Variants in PRKACB observed in about 807,000 individuals in gnomAD.
PRKACB encodes protein kinase cAMP-activated catalytic subunit beta.
Under a neutral mutation model 51.4 loss-of-function variants are expected in PRKACB, and 16 were observed. That is an observed-to-expected ratio of 0.31 (90% CI 0.21 to 0.47). PRKACB has a LOEUF of 0.47. Among genes scored for constraint, PRKACB ranks in the 20% least tolerant of loss-of-function variants. The pLI is 1.00. For synonymous variants in PRKACB, 147 were observed against 154.4 expected, an observed-to-expected ratio of 0.95 and a Z score of 0.35; for missense variants, 309 against 464.5, an observed-to-expected ratio of 0.67 and a Z score of 3.08.
At chr1:84,191,841 A>T (rs1020731157) in intron 5 of PRKACB, among the ~76,000 whole-genome samples, 5 of 152,240 alleles carry the variant, frequency 3.3e-5, no homozygotes, top group Admixed American at 2.6e-4. Context: ...TATAAATTTT[A>T]AAAAATAAAT....
intron 9 of PRKACB, among the ~76,000 whole-genome samples, chr1:84,231,591 A>G (rs1487575197): frequency 6.6e-6 from 1 of 152,196 alleles, no homozygotes; most frequent in African/African-American, 2.4e-5. Flanking sequence ...TATTGCCACA[A>G]TTTCAGATCC....
chr1:84,085,807 C>T (rs766959152), intron 1 of PRKACB: 57 of 411,190 alleles, frequency 1.4e-4, no homozygotes, highest in Non-Finnish European at 2.1e-4. Flanking sequence ...CTCTCAGGAT[C>T]GGTGGCCACC....
intron 3 of PRKACB, among the ~76,000 whole-genome samples, chr1:84,182,951 C>T (rs1014747974): frequency 2.6e-5 from 4 of 152,034 alleles, no homozygotes; most frequent in East Asian, 3.9e-4. Flanking sequence ...AAACCTGAGG[C>T]CCAAAGATTT....
intron 8 of PRKACB, among the ~76,000 whole-genome samples, chr1:84,208,531 G>A (rs1341894454): frequency 6.6e-6 from 1 of 152,172 alleles, no homozygotes; most frequent in Non-Finnish European, 1.5e-5. Flanking sequence ...AACAGGTGGA[G>A]CCTGAGACAA....
rs1002380785 is a variant in PRKACB at position 84,197,916 on chromosome 1, C to T, written c.783+92C>T. 1.3e-5 allele frequency: 11 copies of T among 862,950 alleles called. No homozygotes were observed. In the African/African-American group the frequency reaches 1.9e-4, roughly 15 times the overall value. 53.5% of individuals were successfully genotyped at this position (862,950 alleles called of 1,614,324 possible). A position where few individuals can be genotyped will look rare whatever the true frequency, so the allele number is the denominator to read the frequency against. On this transcript the variant is annotated intron_variant, in intron 7 of 9. Coordinates refer to ENST00000370685, the MANE Select transcript of PRKACB (RefSeq NM_182948.4). Reference sequence around the variant, plus strand: ...AAAACAGTTTATTGATCTAATTTTACATTTTTAATTTGATCTAAGTTATGA... The same window carrying T: ...AAAACAGTTTATTGATCTAATTTTATATTTTTAATTTGATCTAAGTTATGA...
chr1:84,099,204 A>C (rs1649154952), intron 1 of PRKACB, among the ~76,000 whole-genome samples: 1 of 152,148 alleles, frequency 6.6e-6, no homozygotes, highest in Admixed American at 6.6e-5. Flanking sequence ...TAAGAAATAT[A>C]AGTACAATAC....
At chr1:84,191,855 T>C (rs1666896512) in intron 5 of PRKACB, among the ~76,000 whole-genome samples, 1 of 151,958 alleles carries the variant, frequency 6.6e-6, no homozygotes, top group African/African-American at 2.4e-5. Flanking sequence ...AATAAATAAT[T>C]AAAAAACCAA....
In PRKACB at chr1:84,202,684, G is replaced by A; in HGVS notation, c.785G>A (p.Gly262Asp). The change falls in exon 8 of 10, where the codon GGC becomes GAC. Residue 262 changes from glycine (G) to aspartate (D), a missense_variant and splice_region_variant. Gly to Asp is a moderately conservative substitution (Grantham distance 94). Around this residue, in one of 3 missense-constraint regions of PRKACB, gnomAD observed 60 missense variants for 144.4 expected, o/e 0.42. Coordinates refer to ENST00000370685, the MANE Select transcript of PRKACB (RefSeq NM_182948.4). ...GACATTGGTGTTGGTTTATCTCAGG[G>A]CTACAATAAGGCAGTGGATTGGTGG... Reference protein sequence around the residue: ...YLAPEIILSKGYNKAVDWWAL... With the variant: ...YLAPEIILSKDYNKAVDWWAL... 1 of 1,600,480 alleles carries A rather than the reference G, an allele frequency of 6.2e-7. No homozygotes were observed. Among genetic ancestry groups the A allele is most frequent in the Non-Finnish European group, 8.5e-7 (1 of 1,172,974 alleles).
intron 1 of PRKACB, among the ~76,000 whole-genome samples, chr1:84,165,392 C>T (rs918887583): frequency 1.3e-5 from 2 of 151,658 alleles, no homozygotes; most frequent in African/African-American, 4.8e-5. Flanking sequence ...TTTGTCATTC[C>T]TAATGCTAAT....
chr1:84,100,750 A>G (rs966814247), intron 1 of PRKACB, among the ~76,000 whole-genome samples: 1 of 152,204 alleles, frequency 6.6e-6, no homozygotes, highest in African/African-American at 2.4e-5. Flanking sequence ...AGCTTTTTCT[A>G]TGTGTCAGGC....
At chr1:84,100,239 T>C (rs980993521) in intron 1 of PRKACB, among the ~76,000 whole-genome samples, 1 of 152,102 alleles carries the variant, frequency 6.6e-6, no homozygotes, top group African/African-American at 2.4e-5. Context: ...GTCACTGTTA[T>C]GAGAACAGCA....
rs1003040984 is a variant in PRKACB at position 84,234,803 on chromosome 1, C to T, written c.1072-377C>T. 8.5e-5 allele frequency among the ~76,000 whole-genome samples: 13 copies of T among 152,348 alleles called. No individual in the cohort carries two copies. In the South Asian group the frequency reaches 1.7e-3, roughly 19 times the overall value. ...CACGGTGCGTGCACCCACTGACCTG[C>T]GCCCACTGTCTGGCACTCCCTAGTG... On this transcript the variant is annotated intron_variant, in intron 9 of 9. Coordinates refer to ENST00000370685, the MANE Select transcript of PRKACB (RefSeq NM_182948.4).
chr1:84,126,532 GTTT>G (rs1307415120), intron 1 of PRKACB, among the ~76,000 whole-genome samples: 1 of 152,106 alleles, frequency 6.6e-6, no homozygotes, highest in Non-Finnish European at 1.5e-5. Context: ...GGGGCTTGGG[GTTT>G]TTATGGGTAC....
intron 7 of PRKACB, among the ~76,000 whole-genome samples, chr1:84,199,037 G>A (rs1003337569): frequency 1.4e-5 from 2 of 138,448 alleles, no homozygotes; most frequent in African/African-American, 2.6e-5. Flanking sequence ...ACATATATAC[G>A]CATATGTATG....
chr1:84,234,051 A>G (rs1451727667), intron 9 of PRKACB, among the ~76,000 whole-genome samples: 1 of 150,622 alleles, frequency 6.6e-6, no homozygotes, highest in Non-Finnish European at 1.5e-5. Flanking sequence ...GGTTTTATCT[A>G]CTTTTGGTCT....
rs1007467 is a variant in PRKACB, at chr1:84,228,065, A to G, written c.1072-7115A>G. Among the ~76,000 whole-genome samples the G allele has an allele frequency of 1.1e-3, 172 of 152,302 alleles. 1 individual carries two copies. Among genetic ancestry groups the G allele is most frequent in the Non-Finnish European group, 2.2e-3 (149 of 68,026 alleles). On this transcript the variant is annotated intron_variant, in intron 9 of 9. Transcript: ENST00000370685. ...GTCTGCTTAGCTCATTCTTCTGGGT[A>G]GTGCAAAACAGCAGTCCCCAAAGCA... is the stretch of plus-strand genomic sequence containing the variant.
chr1:84,086,053 G>A (rs12404263), intron 1 of PRKACB: 433,031 of 987,828 alleles, frequency 0.44, 99,184 homozygotes, highest in Non-Finnish European at 0.49. Context: ...TGGTCAAGCA[G>A]CATAGGAAAG....
intron 1 of PRKACB, among the ~76,000 whole-genome samples, chr1:84,086,418 C>G (rs1647994346): frequency 6.6e-6 from 1 of 152,118 alleles, no homozygotes; most frequent in East Asian, 1.9e-4. Context: ...CTGCCTTCTT[C>G]CCTCCCACAT....
chr1:84,095,401 ATATTT>A (rs879521112), intron 1 of PRKACB, among the ~76,000 whole-genome samples: 2 of 151,946 alleles, frequency 1.3e-5, no homozygotes, highest in Non-Finnish European at 2.9e-5. Flanking sequence ...TTTTCAGGAT[ATATTT>A]TATAAGTATG....
Sources: gnomAD v4.1 joint callset for allele counts (sites outside exome capture counted in the v4.1 genomes callset) on GRCh38, gnomAD v4.1.1 for gene constraint, gnomAD v4.1.1 regional missense constraint, MANE v1.5 for transcripts, NCBI Gene and HGNC (gene_info 2026-07-23, HGNC 2026-07-21) for gene names.